Variants in VDR observed in about 807,000 individuals in gnomAD.
VDR encodes vitamin D3 receptor.
Under a neutral mutation model 39.7 loss-of-function variants are expected in VDR, and 19 were observed. That is an observed-to-expected ratio of 0.48 (90% CI 0.33 to 0.70). The LOEUF is 0.70. VDR is among the 30% of genes least tolerant of loss of function. The probability of loss-of-function intolerance (pLI) is 0.02; values close to 1 mark genes in which losing one functional copy is unlikely to be tolerated. For synonymous variants in VDR, 242 were observed against 215.8 expected, an observed-to-expected ratio of 1.12 and a Z score of -1.07; for missense variants, 442 against 570.5, an observed-to-expected ratio of 0.77 and a Z score of 2.29.
intron 1 of VDR, among the ~76,000 whole-genome samples, chr12:47,904,102 A>AGAC (rs1946620283): frequency 6.7e-6 from 1 of 148,534 alleles, no homozygotes; most frequent in Non-Finnish European, 1.5e-5. Flanking sequence ...AGGAGGAACA[A>AGAC]GAGGAGGAGG....
chr12:47,887,282 G>A (rs945009420), intron 1 of VDR, among the ~76,000 whole-genome samples: 8 of 123,636 alleles, frequency 6.5e-5, no homozygotes, highest in Admixed American at 1.1e-4. Flanking sequence ...AGATCGCACC[G>A]TTGTACTCCA....
chr12:47,879,656 G>A (rs1267585747), intron 2 of VDR, among the ~76,000 whole-genome samples: 1 of 152,132 alleles, frequency 6.6e-6, no homozygotes, highest in Non-Finnish European at 1.5e-5. Context: ...GGATTTAGGT[G>A]CCCTGGTCAT....
chr12:47,902,805 C>T (rs375738805), intron 1 of VDR, among the ~76,000 whole-genome samples: 13 of 152,276 alleles, frequency 8.5e-5, no homozygotes, highest in South Asian at 4.1e-4. Flanking sequence ...AACTCCCTTT[C>T]GTGTCTTAGA....
chr12:47,859,480 G>T (rs1181572582), intron 4 of VDR, among the ~76,000 whole-genome samples: 1 of 152,148 alleles, frequency 6.6e-6, no homozygotes, highest in African/African-American at 2.4e-5. Flanking sequence ...ATTTCCAGTT[G>T]TGCTAGGTGC....
At chr12:47,846,112 G>A (rs939178544) in intron 9 of VDR, among the ~76,000 whole-genome samples, 3 of 152,190 alleles carry the variant, frequency 2.0e-5, no homozygotes, top group East Asian at 3.9e-4. Context: ...TCCCCCCTAC[G>A]AATCGCCTGC....
intron 3 of VDR, among the ~76,000 whole-genome samples, chr12:47,873,441 G>A (rs1377021600): frequency 7.4e-6 from 1 of 135,820 alleles, no homozygotes; most frequent in East Asian, 2.4e-4. Flanking sequence ...GCTCACTGCA[G>A]CCTCCGCCCC....
intron 1 of VDR, chr12:47,904,469 A>T (rs1946630567): frequency 1.2e-6 from 1 of 856,412 alleles, no homozygotes; most frequent in East Asian, 3.4e-5. Flanking sequence ...AAGTAAAAAA[A>T]AAAAAAAAAA....
At chr12:47,859,464 C>T (rs1945562642) in intron 4 of VDR, among the ~76,000 whole-genome samples, 1 of 152,164 alleles carries the variant, frequency 6.6e-6, no homozygotes, top group South Asian at 2.1e-4. Flanking sequence ...TCATGCTCGC[C>T]CCTGCATTTC....
chr12:47,845,615 T>A (rs888663170), intron 9 of VDR, among the ~76,000 whole-genome samples: 2 of 152,202 alleles, frequency 1.3e-5, no homozygotes, highest in African/African-American at 4.8e-5. Context: ...TGAACCCCAG[T>A]ACCTAGCATA....
At chr12:47,875,714 A>G (rs1448764804) in intron 3 of VDR, among the ~76,000 whole-genome samples, 5 of 152,228 alleles carry the variant, frequency 3.3e-5, no homozygotes, top group African/African-American at 1.2e-4. Context: ...ATATTGAAAC[A>G]CTGTTCCTGG....
At chr12:47,887,828 G>A (rs1255776222) in intron 1 of VDR, among the ~76,000 whole-genome samples, 1 of 152,244 alleles carries the variant, frequency 6.6e-6, no homozygotes, top group Non-Finnish European at 1.5e-5. Flanking sequence ...ATGACTGACT[G>A]AACGATGGGA....
At chr12:47,871,399 TTCTC>T (rs140818769) in intron 3 of VDR, among the ~76,000 whole-genome samples, 47,426 of 139,502 alleles carry the variant, frequency 0.34, 9,548 homozygotes, top group East Asian at 0.7. Flanking sequence ...CTTCCTCTCT[TTCTC>T]TCTTTCTATC....
Position 47,844,895 on chromosome 12 carries a change from G to T in VDR, c.1135C>A (p.Leu379Ile). ...CRHPPPGSHLLYAKMIQKLAD... is the reference protein window; with the variant it reads ...CRHPPPGSHLIYAKMIQKLAD... The stretch of plus-strand genomic sequence containing the variant: ...AGCTTCTGGATCATCTTGGCATAGA[G>T]CAGGTGGCTGCCCGGGGGCGGGTGG... The change falls in exon 10 of 10, where the codon CTC becomes ATC. Residue 379 changes from leucine (L) to isoleucine (I), a missense_variant. Leu to Ile is a conservative substitution (Grantham distance 5, BLOSUM62 2). This residue lies in a region of VDR where 173 missense variants were observed against 252.0 expected (regional missense o/e 0.69). Coordinates refer to ENST00000549336, the MANE Select transcript of VDR (RefSeq NM_000376.3). The T allele has an allele frequency of 6.2e-7, 1 of 1,614,194 alleles. No individual in the cohort carries two copies. The highest frequency in any genetic ancestry group is 8.5e-7 in the Non-Finnish European group (1 of 1,180,022).
chr12:47,846,879 C>T (rs1945291702), intron 7 of VDR, 71 bp from the exon 8 acceptor site: 3 of 1,572,786 alleles, frequency 1.9e-6, no homozygotes, highest in Admixed American at 3.3e-5. Flanking sequence ...CAGTTTAGTG[C>T]TTTGACAGGT....
intron 7 of VDR, among the ~76,000 whole-genome samples, chr12:47,849,634 T>A (rs1039949649): frequency 6.6e-6 from 1 of 152,194 alleles, no homozygotes; most frequent in Non-Finnish European, 1.5e-5. Flanking sequence ...ATGTCTAACA[T>A]CTCACCATCC....
intron 4 of VDR, among the ~76,000 whole-genome samples, chr12:47,859,840 C>A (rs1025367375): frequency 7.2e-6 from 1 of 138,446 alleles, no homozygotes; most frequent in Non-Finnish European, 1.5e-5. Flanking sequence ...CCCTTCCTTT[C>A]CCTTCCTTCC....
At chr12:47,871,907 T>C (rs1444637102) in intron 3 of VDR, among the ~76,000 whole-genome samples, 32 of 152,238 alleles carry the variant, frequency 2.1e-4, no homozygotes, top group Non-Finnish European at 7.3e-5. Flanking sequence ...GTGACGTGTG[T>C]GCACACACAC....
chr12:47,897,331 G>A (rs1946480761), intron 1 of VDR, among the ~76,000 whole-genome samples: 1 of 152,218 alleles, frequency 6.6e-6, no homozygotes, highest in Admixed American at 6.5e-5. Context: ...CCTCACAAGG[G>A]TCAAAGGTTG....
At chr12:47,862,325 G>C (rs891399473) in intron 4 of VDR, among the ~76,000 whole-genome samples, 1 of 152,158 alleles carries the variant, frequency 6.6e-6, no homozygotes, top group South Asian at 2.1e-4. Context: ...AGTGAGCTCC[G>C]ACCCACTGGG....
Sources: gnomAD v4.1 joint callset for allele counts (sites outside exome capture counted in the v4.1 genomes callset) on GRCh38, gnomAD v4.1.1 for gene constraint, gnomAD v4.1.1 regional missense constraint, MANE v1.5 for transcripts, NCBI Gene and HGNC (gene_info 2026-07-23, HGNC 2026-07-21) for gene names.